Variants in PRKCB observed in about 807,000 individuals in gnomAD.
PRKCB encodes the protein protein kinase C beta, also known as protein kinase C beta type.
In PRKCB, 13 loss-of-function variants were observed where a neutral mutation model predicts 81.5. The ratio of observed to expected loss-of-function variants is 0.16; its 90% CI spans 0.10 to 0.25. PRKCB has a LOEUF of 0.25. Ranked by LOEUF, PRKCB falls within the 10% of genes least tolerant of loss-of-function variation. The pLI is 1.00. For missense variants in PRKCB, 509 were observed against 875.7 expected (o/e 0.58, Z 5.29); for synonymous variants, 335 against 321.4 (o/e 1.04, Z -0.45).
At chr16:23,898,989 T>G (rs140593576) in intron 2 of PRKCB, among the ~76,000 whole-genome samples, 10 of 152,172 alleles carry the variant, frequency 6.6e-5, no homozygotes, top group African/African-American at 2.4e-4. Flanking sequence ...TAGGAAGTGT[T>G]TAAGAGACAG....
In PRKCB at chr16:24,195,202, G is replaced by GAAAA. The variant is rs35292926; in HGVS notation, c.1863+3982_1863+3985dup. Among the ~76,000 whole-genome samples, 34 of 144,252 alleles carry GAAAA rather than the reference G, an allele frequency of 2.4e-4. No individual in the cohort carries two copies. The Middle Eastern group carries it at 0.011, about 46-fold the overall frequency. 94.6% of individuals were successfully genotyped at this position (144,252 alleles called of 152,430 possible). A position where few individuals can be genotyped will look rare whatever the true frequency, so the allele number is the denominator to read the frequency against. On this transcript the variant is annotated intron_variant, in intron 16 of 16. Transcript: ENST00000643927. ...GGCAACAGAGCAAGACCCTGTCTCAGAAAAAAAAAAAAAGATACATCACCT... is the reference window on the plus strand; with the variant it reads ...GGCAACAGAGCAAGACCCTGTCTCAGAAAAAAAAAAAAAAAAAGATACATCACCT...
intron 16 of PRKCB, among the ~76,000 whole-genome samples, chr16:24,202,677 C>T (rs1967977213): frequency 6.6e-6 from 1 of 152,344 alleles, no homozygotes; most frequent in Non-Finnish European, 1.5e-5. Flanking sequence ...CTACATCACA[C>T]ACAAGGATGT....
At chr16:23,922,076 G>A (rs1204496651) in intron 2 of PRKCB, among the ~76,000 whole-genome samples, 6 of 152,140 alleles carry the variant, frequency 3.9e-5, no homozygotes, top group South Asian at 2.1e-4. Flanking sequence ...GAACACTATC[G>A]GATGATAATG....
rs73542837 is a variant in PRKCB at position 24,004,412 on chromosome 16, C to T, written c.288+15822C>T. Among the ~76,000 whole-genome samples, 836 of 150,886 alleles carry T rather than the reference C, an allele frequency of 5.5e-3. 7 individuals are homozygous for T. The highest frequency in any genetic ancestry group is 0.02 in the African/African-American group (802 of 41,040). ...AAAAGCATAAACGGGGGCAGATGTC[C>T]CAGCAGATCACTTGAGCTCAGGAGT... On this transcript the variant is annotated intron_variant, in intron 3 of 16. Coordinates refer to ENST00000643927, the MANE Select transcript of PRKCB (RefSeq NM_002738.7).
intron 2 of PRKCB, among the ~76,000 whole-genome samples, chr16:23,839,007 G>T (rs1228951371): frequency 2.0e-5 from 3 of 152,186 alleles, no homozygotes. Context: ...CTTTGAGGTT[G>T]CCTTTCACTT....
intron 2 of PRKCB, among the ~76,000 whole-genome samples, chr16:23,874,294 T>G (rs1211586555): frequency 1.3e-5 from 2 of 152,198 alleles, no homozygotes; most frequent in Non-Finnish European, 2.9e-5. Context: ...AAAACACAAA[T>G]TCTGAAATCC....
intron 2 of PRKCB, among the ~76,000 whole-genome samples, chr16:23,895,315 T>C (rs1963361382): frequency 6.6e-6 from 1 of 151,846 alleles, no homozygotes; most frequent in Non-Finnish European, 1.5e-5. Context: ...AGAGTGTCAC[T>C]GTTTTATTTT....
At chr16:23,902,369 C>T (rs560545812) in intron 2 of PRKCB, among the ~76,000 whole-genome samples, 2 of 152,278 alleles carry the variant, frequency 1.3e-5, no homozygotes, top group East Asian at 1.9e-4. Flanking sequence ...CCCAAAGTTT[C>T]CCCCTAATGC....
chr16:23,890,975 G>A (rs1963283978), intron 2 of PRKCB, among the ~76,000 whole-genome samples: 1 of 150,678 alleles, frequency 6.6e-6, no homozygotes, highest in Non-Finnish European at 1.5e-5. Flanking sequence ...GGAAAAAACT[G>A]AAGGAACATT....
chr16:23,980,750 T>C (rs1964687248), intron 2 of PRKCB, among the ~76,000 whole-genome samples: 3 of 151,864 alleles, frequency 2.0e-5, no homozygotes, highest in Admixed American at 6.6e-5. Context: ...TTTTCCACTA[T>C]AGACCCCAGT....
chr16:24,094,389 T>C (rs1223383360), intron 7 of PRKCB, 92 bp downstream of exon 7: 1 of 1,493,806 alleles, frequency 6.7e-7, no homozygotes, highest in Non-Finnish European at 9.1e-7. Context: ...AAAATTGAAA[T>C]ACTAAAACAG....
At chr16:24,073,880 C>T (rs9938585) in intron 5 of PRKCB, among the ~76,000 whole-genome samples, 1,916 of 152,198 alleles carry the variant, frequency 0.013, 21 homozygotes, top group African/African-American at 0.031. Context: ...TGGTGGCTCA[C>T]GCCTGTAATC....
intron 2 of PRKCB, among the ~76,000 whole-genome samples, chr16:23,891,880 G>A (rs1421521540): frequency 2.0e-5 from 3 of 152,120 alleles, no homozygotes; most frequent in Admixed American, 6.6e-5. Flanking sequence ...TTGCAGGCTC[G>A]GACCAGAAGG....
chr16:23,952,528 G>A lies in PRKCB; in HGVS notation c.206-35980G>A, dbSNP rs369803547. Among the ~76,000 whole-genome samples, 24 of 152,284 alleles carry A rather than the reference G, an allele frequency of 1.6e-4. No homozygotes were observed. The East Asian group carries it at 4.2e-3, about 27-fold the overall frequency. ...TTGCAATGTATTGCATTTGTTTCTG[G>A]GAGGGTGGGGCGACTGGAGGGGGTT... On this transcript the variant is annotated intron_variant, in intron 2 of 16. Coordinates refer to ENST00000643927, the MANE Select transcript of PRKCB (RefSeq NM_002738.7).
At chr16:24,087,289 C>T (rs1966320981) in intron 5 of PRKCB, among the ~76,000 whole-genome samples, 1 of 152,216 alleles carries the variant, frequency 6.6e-6, no homozygotes, top group Non-Finnish European at 1.5e-5. Flanking sequence ...TTGCCCTCAT[C>T]TTCTTTTTTC....
intron 2 of PRKCB, among the ~76,000 whole-genome samples, chr16:23,863,233 T>C (rs1173876148): frequency 1.2e-4 from 8 of 64,836 alleles, no homozygotes; most frequent in African/African-American, 3.5e-4. Context: ...TATATGTGTA[T>C]ATATATACAT....
chr16:23,851,384 G>T (rs549258961), intron 2 of PRKCB, among the ~76,000 whole-genome samples: 12 of 152,284 alleles, frequency 7.9e-5, no homozygotes, highest in African/African-American at 2.9e-4. Flanking sequence ...TCAAAAATCA[G>T]TTGGCTATAA....
chr16:24,144,064 AT>A (rs1966950771), intron 9 of PRKCB, among the ~76,000 whole-genome samples: 1 of 152,176 alleles, frequency 6.6e-6, no homozygotes. Flanking sequence ...GAAAATATGA[AT>A]TTTGTTATGT....
At chr16:24,032,878 G>A (rs1965566978) in intron 4 of PRKCB, among the ~76,000 whole-genome samples, 1 of 152,226 alleles carries the variant, frequency 6.6e-6, no homozygotes, top group African/African-American at 2.4e-5. Context: ...CAAATCATGG[G>A]CATTTCTGCA....
Sources: allele counts gnomAD v4.1 joint callset (sites outside exome capture counted in the v4.1 genomes callset), GRCh38; gene constraint gnomAD v4.1.1; transcripts MANE v1.5; gene names NCBI Gene and HGNC (gene_info 2026-07-23, HGNC 2026-07-21).